Variants in ELMO2 observed in about 807,000 individuals in gnomAD.
The protein encoded by ELMO2 is engulfment and cell motility 2.
Under a neutral mutation model 96.2 loss-of-function variants are expected in ELMO2, and 37 were observed. That is an observed-to-expected ratio of 0.38 (90% CI 0.30 to 0.51). The LOEUF (loss-of-function observed/expected upper bound fraction) is 0.51. Among genes scored for constraint, ELMO2 ranks in the 20% least tolerant of loss-of-function variants. The probability of loss-of-function intolerance (pLI) is 0.88; values close to 1 mark genes in which losing one functional copy is unlikely to be tolerated. For synonymous variants in ELMO2, 315 were observed against 329.4 expected (o/e 0.96, Z 0.47); for missense variants, 561 against 912.6 (o/e 0.61, Z 4.96).
intron 2 of ELMO2, among the ~76,000 whole-genome samples, chr20:46,397,238 G>A (rs2060260215): frequency 6.6e-6 from 1 of 152,178 alleles, no homozygotes. Flanking sequence ...CCCATTCTCA[G>A]TGACTCTGTC....
At chr20:46,388,499 T>A (rs2060089202) in intron 7 of ELMO2, among the ~76,000 whole-genome samples, 1 of 152,152 alleles carries the variant, frequency 6.6e-6, no homozygotes, top group Non-Finnish European at 1.5e-5. Context: ...CTTGTGGGTA[T>A]CACAAAGTTC....
chr20:46,377,600 A>ACT (rs2059885863), intron 11 of ELMO2, among the ~76,000 whole-genome samples: 1 of 152,252 alleles, frequency 6.6e-6, no homozygotes, highest in Non-Finnish European at 1.5e-5. Context: ...TATTTAAAGT[A>ACT]CTACACATGA....
At chr20:46,389,679 C>T (rs150324326) in intron 6 of ELMO2, among the ~76,000 whole-genome samples, 9 of 152,062 alleles carry the variant, frequency 5.9e-5, no homozygotes, top group African/African-American at 1.9e-4. Flanking sequence ...GACACCCTGA[C>T]TCCCAAAAAA....
intron 1 of ELMO2, among the ~76,000 whole-genome samples, 175 bp downstream of exon 1, chr20:46,406,373 C>G (rs1600911790): frequency 6.6e-6 from 1 of 152,208 alleles, no homozygotes. Flanking sequence ...GCCGCCACCC[C>G]TCGGGGGCCT....
intron 9 of ELMO2, among the ~76,000 whole-genome samples, chr20:46,384,824 A>T (rs1394991086): frequency 6.6e-6 from 1 of 151,136 alleles, no homozygotes; most frequent in Non-Finnish European, 1.5e-5. Flanking sequence ...AAAACTAGCC[A>T]GGTGTTGTGG....
intron 2 of ELMO2, among the ~76,000 whole-genome samples, 200 bp downstream of exon 2, chr20:46,398,497 G>A (rs1005566520): frequency 2.6e-5 from 4 of 152,058 alleles, no homozygotes; most frequent in African/African-American, 9.7e-5. Context: ...ATTTTTAGTA[G>A]AGACGGGGTT....
intron 15 of ELMO2, 50 bp downstream of exon 15, chr20:46,374,282 G>T: frequency 6.8e-7 from 1 of 1,477,584 alleles, no homozygotes; most frequent in Non-Finnish European, 9.5e-7. Context: ...GTCTCACTGA[G>T]CTCTTGATGA....
intron 1 of ELMO2, among the ~76,000 whole-genome samples, chr20:46,405,740 T>C (rs1050628367): frequency 1.3e-5 from 2 of 151,938 alleles, no homozygotes; most frequent in African/African-American, 4.8e-5. Flanking sequence ...AAAAATTAGC[T>C]GGGCGTGGTG....
chr20:46,381,783 T>C, intron 10 of ELMO2, among the ~76,000 whole-genome samples: 1 of 152,224 alleles, frequency 6.6e-6, no homozygotes, highest in South Asian at 2.1e-4. Context: ...AATTCCCTTT[T>C]GTCGATTGTC....
At chr20:46,398,892 C>T (rs1007477570) in intron 1 of ELMO2, 121 bp from the exon 2 acceptor site, 1 of 152,204 alleles carries the variant, frequency 6.6e-6, no homozygotes, top group African/African-American at 2.4e-5. Context: ...GAGTTCTCAT[C>T]GCTCTATATA....
intron 16 of ELMO2, 78 bp downstream of exon 16, chr20:46,373,321 C>A: frequency 6.3e-7 from 1 of 1,580,364 alleles, no homozygotes; most frequent in African/African-American, 1.3e-5. Context: ...AGGGATTCTC[C>A]AGGTGCCAGC....
intron 8 of ELMO2, among the ~76,000 whole-genome samples, chr20:46,386,993 T>A (rs1269856476): frequency 6.6e-6 from 1 of 152,144 alleles, no homozygotes; most frequent in Non-Finnish European, 1.5e-5. Context: ...AAATTTTTTT[T>A]ATATATATAC....
intron 9 of ELMO2, among the ~76,000 whole-genome samples, chr20:46,383,748 A>C (rs1439791187): frequency 6.6e-6 from 1 of 152,258 alleles, no homozygotes; most frequent in Non-Finnish European, 1.5e-5. Flanking sequence ...TTAAAAAAGA[A>C]TGGAAAGTAA....
chr20:46,399,423 TACTG>T (rs773297098), intron 1 of ELMO2, among the ~76,000 whole-genome samples: 3 of 152,214 alleles, frequency 2.0e-5, no homozygotes, highest in African/African-American at 7.2e-5. Context: ...CTCTTCCTCC[TACTG>T]ACTGTCAGAA....
chr20:46,399,361 A>G (rs2060298667), intron 1 of ELMO2, among the ~76,000 whole-genome samples: 1 of 152,098 alleles, frequency 6.6e-6, no homozygotes, highest in African/African-American at 2.4e-5. Context: ...ACTACGGGCT[A>G]TTTCTATAAG....
At position 46,375,209 on chromosome 20, in the gene ELMO2, CCACCGT is replaced by C. The variant is rs1395252580; in HGVS notation, c.1065+21_1065+26del. On this transcript the variant is annotated intron_variant, in intron 13 of 21. Coordinates refer to ENST00000290246, the MANE Select transcript of ELMO2 (RefSeq NM_133171.5). The surrounding 1 kb of genome is among the most constrained non-coding windows in gnomAD (Gnocchi z 4.6). Reference sequence around the variant, plus strand: ...ACTTCCCATCAGGGGAGAGGGCCTACCACCGTCTATGCTCTGAGGTACTTACGGTAA... The same window carrying C: ...ACTTCCCATCAGGGGAGAGGGCCTACCTATGCTCTGAGGTACTTACGGTAA... 1 of 1,608,234 alleles carries C rather than the reference CCACCGT, an allele frequency of 6.2e-7. No homozygotes were observed. The highest frequency in any genetic ancestry group is 1.7e-5 in the Admixed American group (1 of 59,892).
intron 16 of ELMO2, chr20:46,373,167 C>A (rs1406072955): frequency 3.7e-6 from 2 of 536,218 alleles, no homozygotes; most frequent in East Asian, 6.4e-5. Context: ...CAGGTGCTAA[C>A]TTCAATGGAC....
At chr20:46,396,052 T>G (rs2060239776) in intron 2 of ELMO2, among the ~76,000 whole-genome samples, 1 of 152,252 alleles carries the variant, frequency 6.6e-6, no homozygotes, top group Admixed American at 6.5e-5. Flanking sequence ...AAACGCAGCC[T>G]AAAGGGATTG....
intron 9 of ELMO2, among the ~76,000 whole-genome samples, chr20:46,385,901 T>C (rs1389096856): frequency 1.3e-5 from 2 of 152,106 alleles, no homozygotes; most frequent in South Asian, 2.1e-4. Context: ...CATTTTAACC[T>C]AAGGGGCAGA....
Sources: allele counts gnomAD v4.1 joint callset (sites outside exome capture counted in the v4.1 genomes callset), GRCh38; gene constraint gnomAD v4.1.1; non-coding constraint Gnocchi (gnomAD v3.1); transcripts MANE v1.5; gene names NCBI Gene and HGNC (gene_info 2026-07-23, HGNC 2026-07-21).